Variants in TCF20 observed in about 807,000 individuals in gnomAD.
TCF20 encodes transcription factor 20.
Under a neutral mutation model 148.6 loss-of-function variants are expected in TCF20, and 3 were observed. The ratio of observed to expected loss-of-function variants is 0.02; its 90% CI spans 0.01 to 0.05. TCF20 has a LOEUF of 0.05. Ranked by LOEUF, TCF20 falls within the 10% of genes least tolerant of loss-of-function variation. The pLI is 1.00. For synonymous variants in TCF20, 1,049 were observed against 909.5 expected (o/e 1.15, Z -2.76); for missense variants, 2,350 against 2,429.3 (o/e 0.97, Z 0.69).
At chr22:42,241,491 G>GT (rs1924395225) in intron 1 of TCF20, among the ~76,000 whole-genome samples, 1 of 152,188 alleles carries the variant, frequency 6.6e-6, no homozygotes, top group Admixed American at 6.5e-5. Flanking sequence ...GAAAAATACA[G>GT]TAAGATATTG....
chr22:42,267,269 AAAC>A (rs778047948), intron 1 of TCF20, among the ~76,000 whole-genome samples: 2 of 152,240 alleles, frequency 1.3e-5, no homozygotes, highest in Non-Finnish European at 2.9e-5. Context: ...CTCCATCTCA[AAAC>A]AACAACAGAA....
intron 1 of TCF20, among the ~76,000 whole-genome samples, chr22:42,265,690 TA>T (rs1569193868): frequency 6.6e-6 from 1 of 152,174 alleles, no homozygotes; most frequent in Non-Finnish European, 1.5e-5. Flanking sequence ...TCCCCATGAG[TA>T]AGAAGGCTTA....
At chr22:42,250,565 A>C (rs1467734560) in intron 1 of TCF20, among the ~76,000 whole-genome samples, 3 of 151,984 alleles carry the variant, frequency 2.0e-5, no homozygotes, top group Non-Finnish European at 4.4e-5. Context: ...ACACACAGTG[A>C]TGACCCATCC....
chr22:42,229,791 G>C (rs1190548915), intron 1 of TCF20, among the ~76,000 whole-genome samples: 1 of 152,178 alleles, frequency 6.6e-6, no homozygotes, highest in Non-Finnish European at 1.5e-5. Flanking sequence ...TCAGCTTGGT[G>C]ATCTTGCCTT....
At chr22:42,192,680 C>T (rs1225343707) in intron 2 of TCF20, among the ~76,000 whole-genome samples, 1 of 152,228 alleles carries the variant, frequency 6.6e-6, no homozygotes, top group Non-Finnish European at 1.5e-5. Flanking sequence ...CCAGCCCCTG[C>T]CACCTCTCAG....
intron 5 of TCF20, among the ~76,000 whole-genome samples, chr22:42,161,921 C>G (rs535502339): frequency 1.3e-5 from 2 of 149,696 alleles, no homozygotes; most frequent in African/African-American, 4.9e-5. Context: ...CCTCAGCCTT[C>G]CAAGTAGCTG....
chr22:42,270,464 G>T lies in TCF20; in HGVS notation c.-162C>A, dbSNP rs1926548574. Among the ~76,000 whole-genome samples, 1 of 143,466 alleles carries T rather than the reference G, an allele frequency of 7.0e-6. No homozygotes were observed. The highest frequency in any genetic ancestry group is 2.1e-4 in the South Asian group (1 of 4,690). 94.1% of individuals were successfully genotyped at this position (143,466 alleles called of 152,430 possible). On this transcript the variant is annotated 5_prime_UTR_variant, in exon 1 of 6. Coordinates refer to ENST00000677622, the MANE Select transcript of TCF20 (RefSeq NM_001378418.1). ...TGGCTCCGCCGCCTCCAGCTCGGGCGCCCGGGCCGGCGGCGGGGCGGGCCG... is the reference window on the plus strand; with the variant it reads ...TGGCTCCGCCGCCTCCAGCTCGGGCTCCCGGGCCGGCGGCGGGGCGGGCCG...
At chr22:42,179,037 T>TAAAA (rs60142024) in intron 3 of TCF20, among the ~76,000 whole-genome samples, 1 of 120,964 alleles carries the variant, frequency 8.3e-6, no homozygotes, top group African/African-American at 3.0e-5. Flanking sequence ...TGGCTACAAT[T>TAAAA]AAAAAAAAAA....
At chr22:42,172,433 T>C (rs1012390318) in intron 3 of TCF20, among the ~76,000 whole-genome samples, 6 of 152,200 alleles carry the variant, frequency 3.9e-5, no homozygotes, top group Non-Finnish European at 7.3e-5. Context: ...CATCCTACAC[T>C]GTCCAGAGGG....
intron 1 of TCF20, among the ~76,000 whole-genome samples, chr22:42,255,580 C>T (rs75028250): frequency 3.9e-5 from 6 of 152,070 alleles, no homozygotes; most frequent in African/African-American, 7.2e-5. Context: ...ATATGCTTGC[C>T]GACCTGTTTT....
chr22:42,296,268 G>A (rs1200126587), intron 1 of TCF20, among the ~76,000 whole-genome samples: 2 of 152,222 alleles, frequency 1.3e-5, no homozygotes, highest in Non-Finnish European at 2.9e-5. Flanking sequence ...CCCCAGCACA[G>A]GCCCTGGACA....
chr22:42,307,203 A>G (rs1202625446), intron 1 of TCF20, among the ~76,000 whole-genome samples: 1 of 152,220 alleles, frequency 6.6e-6, no homozygotes. Context: ...AGTAGCTACA[A>G]CCAGCATTTG....
intron 1 of TCF20, among the ~76,000 whole-genome samples, chr22:42,327,251 T>C (rs1291864158): frequency 1.3e-5 from 2 of 152,166 alleles, no homozygotes; most frequent in Non-Finnish European, 2.9e-5. Flanking sequence ...TGGTGCTAGA[T>C]GTAACCCTTC....
intron 1 of TCF20, among the ~76,000 whole-genome samples, chr22:42,309,645 G>A (rs1050364890): frequency 1.5e-5 from 2 of 133,096 alleles, no homozygotes; most frequent in East Asian, 4.1e-4. Flanking sequence ...CCCAATGCCA[G>A]CAACGCCCCT....
intron 3 of TCF20, among the ~76,000 whole-genome samples, chr22:42,177,457 C>A (rs974255764): frequency 1.3e-5 from 2 of 152,006 alleles, no homozygotes; most frequent in African/African-American, 2.4e-5. Flanking sequence ...AAATTAACAC[C>A]CACCTTGCCG....
At chr22:42,174,833 A>C (rs552390532) in intron 3 of TCF20, among the ~76,000 whole-genome samples, 9 of 152,198 alleles carry the variant, frequency 5.9e-5, no homozygotes, top group South Asian at 2.1e-4. Flanking sequence ...CAGGAGATCG[A>C]GACCATCCCG....
chr22:42,168,414 G>A (rs893146384), intron 5 of TCF20, among the ~76,000 whole-genome samples, 195 bp downstream of exon 5: 2 of 152,210 alleles, frequency 1.3e-5, no homozygotes, highest in Non-Finnish European at 2.9e-5. Context: ...GCAGTGGACA[G>A]TTTAGAAGCC....
At position 42,211,097 on chromosome 22, in the gene TCF20, A is replaced by G; in HGVS notation, c.4209T>C (p.Ala1403=). 1 of 1,614,128 alleles carries G rather than the reference A, an allele frequency of 6.2e-7. No homozygotes were observed. Among genetic ancestry groups the G allele is most frequent in the South Asian group, 1.1e-5 (1 of 91,078 alleles). Residue 1403 remains alanine (A), a synonymous_variant, in exon 2 of 6, where the codon GCT becomes GCC. Transcript: ENST00000677622. ...PEGGSVAVQD[A]DIEKRKGEVA... ...CCTCACCTTTTCTCTTCTCTATGTC[A>G]GCATCCTGAACAGCAACACTCCCAC...
intron 1 of TCF20, chr22:42,278,931 T>G (rs1926840888): frequency 6.6e-6 from 1 of 152,174 alleles, no homozygotes; most frequent in Non-Finnish European, 1.5e-5. Flanking sequence ...AGCAGAAACA[T>G]CTTGGGAAGA....
Sources: allele counts gnomAD v4.1 joint callset (sites outside exome capture counted in the v4.1 genomes callset), GRCh38; gene constraint gnomAD v4.1.1; transcripts MANE v1.5; gene names NCBI Gene and HGNC (gene_info 2026-07-23, HGNC 2026-07-21).